Variants in TTC21A observed in about 807,000 individuals in gnomAD.
TTC21A encodes the protein tetratricopeptide repeat protein 21A.
TTC21A carries 128 observed loss-of-function variants against 156.4 expected under a neutral mutation model. The ratio of observed to expected loss-of-function variants is 0.82; its 90% CI spans 0.71 to 0.95. The LOEUF (loss-of-function observed/expected upper bound fraction) is 0.95. TTC21A is among the 40% of genes least tolerant of loss of function. The probability of loss-of-function intolerance (pLI) is 0.00; values close to 1 mark genes in which losing one functional copy is unlikely to be tolerated. For synonymous variants in TTC21A, 587 were observed against 617.1 expected, an observed-to-expected ratio of 0.95 and a Z score of 0.72; for missense variants, 1,435 against 1,602.3, an observed-to-expected ratio of 0.90 and a Z score of 1.78.
chr3:39,130,914 C>G lies in TTC21A; in HGVS notation c.2458+75C>G. 6.2e-7 allele frequency: 1 copy of G among 1,608,752 alleles called. No homozygotes were observed. Among genetic ancestry groups the G allele is most frequent in the Non-Finnish European group, 8.5e-7 (1 of 1,176,150 alleles). Reference sequence around the variant, plus strand: ...TCCCCCATTCCCCATTAGCTGAAGTCCTGATCCCAGCGCTCCCCACCAACA... The same window carrying G: ...TCCCCCATTCCCCATTAGCTGAAGTGCTGATCCCAGCGCTCCCCACCAACA... On this transcript the variant is annotated intron_variant, in intron 18 of 28. Transcript: ENST00000683103. The surrounding 1 kb of genome is among the most constrained non-coding windows in gnomAD (Gnocchi z 4.5).
At chr3:39,121,356 G>A (rs981810923) in intron 9 of TTC21A, among the ~76,000 whole-genome samples, 167 bp downstream of exon 9, 4 of 152,326 alleles carry the variant, frequency 2.6e-5, no homozygotes, top group Non-Finnish European at 5.9e-5. Flanking sequence ...AAGTATAGAT[G>A]TAAGAGGCAC....
intron 4 of TTC21A, among the ~76,000 whole-genome samples, chr3:39,111,995 G>A (rs1252931340): frequency 6.6e-6 from 1 of 152,290 alleles, no homozygotes; most frequent in Admixed American, 6.5e-5. Context: ...CACTCAGAGG[G>A]CATTCCTTGG....
Position 39,122,322 on chromosome 3 carries a change from G to GA in TTC21A, c.1093+1147dup, listed in dbSNP as rs33971042. Among the ~76,000 whole-genome samples, 11 of 148,624 alleles carry GA rather than the reference G, an allele frequency of 7.4e-5. No individual in the cohort carries two copies. The South Asian group carries it at 1.3e-3, about 17-fold the overall frequency. ...TGAGACTCCACCTCAAAAAAAGAAA[G>GA]AAAAAAAAAAAAAAGAGTACATAGC... On this transcript the variant is annotated intron_variant, in intron 9 of 28. Transcript: ENST00000683103.
intron 7 of TTC21A, chr3:39,119,673 A>G: frequency 2.8e-6 from 1 of 359,758 alleles, no homozygotes. Context: ...AAACAAATTC[A>G]AGAACAGAGG....
At chr3:39,109,023 C>T in intron 1 of TTC21A, 62 bp from the exon 2 acceptor site, 1 of 1,579,440 alleles carries the variant, frequency 6.3e-7, no homozygotes, top group Middle Eastern at 1.7e-4. Context: ...CTCATCCCAT[C>T]TGGGACAGAA....
intron 9 of TTC21A, among the ~76,000 whole-genome samples, chr3:39,123,487 A>G (rs1169122894): frequency 3.3e-5 from 5 of 152,146 alleles, no homozygotes; most frequent in Non-Finnish European, 1.5e-5. Context: ...TTGTTCACCA[A>G]CTCCTAGTTG....
rs60845030 is a variant in TTC21A, at chr3:39,124,658, C to CAAAAAAAAAAAAAAAAAAAA, written c.1094-390_1094-389insAAAAAAAAAAAAAAAAAAAA. 3.8e-4 allele frequency among the ~76,000 whole-genome samples: 27 copies of CAAAAAAAAAAAAAAAAAAAA among 71,028 alleles called. 1 individual carries two copies. Among genetic ancestry groups the CAAAAAAAAAAAAAAAAAAAA allele is most frequent in the Non-Finnish European group, 4.6e-4 (16 of 34,944 alleles). The allele number at this position is 71,028 out of a possible 152,430, so 46.6% of individuals were successfully genotyped here. Reference sequence around the variant, plus strand: ...TGGGCAAAAGAGCGAAACTCCGTCTCAAAAAAAAAAAAAAAGCAGATTGTA... The same window carrying CAAAAAAAAAAAAAAAAAAAA: ...TGGGCAAAAGAGCGAAACTCCGTCTCAAAAAAAAAAAAAAAAAAAAAAAAAAAAAAAAAAAGCAGATTGTA... On this transcript the variant is annotated intron_variant, in intron 9 of 28. Transcript: ENST00000683103.
Position 39,138,547 on chromosome 3 carries a change from C to T in TTC21A, c.3797-9C>T, listed in dbSNP as rs370330036. On this transcript the variant is annotated splice_polypyrimidine_tract_variant and intron_variant, in intron 27 of 28. Coordinates refer to ENST00000683103, the MANE Select transcript of TTC21A (RefSeq NM_001366900.1). The stretch of plus-strand genomic sequence containing the variant: ...GTGCCACCATCTTTGCTCTCCATGT[C>T]CCCGGTAGGCTTCAAACTTGCTTTC... The T allele has an allele frequency of 4.3e-6, 7 of 1,614,040 alleles. No individual in the cohort carries two copies. In the East Asian group the frequency reaches 1.1e-4, roughly 26 times the overall value.
At position 39,134,705 on chromosome 3, in the gene TTC21A, G is replaced by A. The variant is rs972171651; in HGVS notation, c.2862+377G>A. 2 of 469,038 alleles carry A rather than the reference G, an allele frequency of 4.3e-6. No homozygotes were observed. The highest frequency in any genetic ancestry group is 7.9e-6 in the Non-Finnish European group (2 of 254,396). 29.1% of individuals were successfully genotyped at this position (469,038 alleles called of 1,614,324 possible). A position where few individuals can be genotyped will look rare whatever the true frequency, so the allele number is the denominator to read the frequency against. On this transcript the variant is annotated intron_variant, in intron 21 of 28. Coordinates refer to ENST00000683103, the MANE Select transcript of TTC21A (RefSeq NM_001366900.1). The surrounding 1 kb of genome is among the most constrained non-coding windows in gnomAD (Gnocchi z 4.6). ...CAGACCTCCTCTAGGGCTGGCCCAG[G>A]AGCAGAAGCTGAGCCCTTGCAGAGC...
rs2038941351 is a variant in TTC21A at position 39,134,191 on chromosome 3, AGTTT to A, written c.2752-26_2752-23del. 6.8e-7 allele frequency: 1 copy of A among 1,473,756 alleles called. No homozygotes were observed. The allele number at this position is 1,473,756 out of a possible 1,614,324, so 91.3% of individuals were successfully genotyped here. A position where few individuals can be genotyped will look rare whatever the true frequency, so the allele number is the denominator to read the frequency against. ...GGGTTTCCCATGGTGTTTACTAGTTAGTTTATTATATCCGGCCTTGTCCCAGGTG... is the reference window on the plus strand; with the variant it reads ...GGGTTTCCCATGGTGTTTACTAGTTAATTATATCCGGCCTTGTCCCAGGTG... On this transcript the variant is annotated intron_variant, in intron 20 of 28. Coordinates refer to ENST00000683103, the MANE Select transcript of TTC21A (RefSeq NM_001366900.1). This position sits in a 1 kb window ranked among gnomAD's most constrained non-coding sequence, Gnocchi z 4.6.
In TTC21A at chr3:39,128,818, G is replaced by T; in HGVS notation, c.1782G>T (p.Leu594Phe). 6.2e-7 allele frequency: 1 copy of T among 1,614,138 alleles called. No homozygotes were observed. Among genetic ancestry groups the T allele is most frequent in the African/African-American group, 1.3e-5 (1 of 75,030 alleles). ...AIKTLKMVIK[L>F]PALKKEEGRK... is the part of the protein sequence containing the mutation. ...AGACGCTGAAAATGGTCATCAAATTGCCAGCTCTGAAGAAGGAAGAAGGCA... is the reference window on the plus strand; with the variant it reads ...AGACGCTGAAAATGGTCATCAAATTTCCAGCTCTGAAGAAGGAAGAAGGCA... The change falls in exon 14 of 29, where the codon TTG becomes TTT. Residue 594 changes from leucine (L) to phenylalanine (F), a missense_variant. Physicochemically the swap from Leu to Phe is conservative, Grantham distance 22. Transcript: ENST00000683103.
chr3:39,117,394 A>C (rs1192731108), intron 6 of TTC21A, among the ~76,000 whole-genome samples: 1 of 152,250 alleles, frequency 6.6e-6, no homozygotes, highest in Non-Finnish European at 1.5e-5. Flanking sequence ...AAAATGGGAA[A>C]GAATCTTTCT....
chr3:39,130,497 A>G lies in TTC21A; in HGVS notation c.2319+139A>G. 3.2e-6 allele frequency: 3 copies of G among 932,422 alleles called. No individual in the cohort carries two copies. The highest frequency in any genetic ancestry group is 4.8e-6 in the Non-Finnish European group (3 of 619,118). 57.8% of individuals were successfully genotyped at this position (932,422 alleles called of 1,614,324 possible). On this transcript the variant is annotated intron_variant, in intron 17 of 28. Transcript: ENST00000683103. This position sits in a 1 kb window ranked among gnomAD's most constrained non-coding sequence, Gnocchi z 4.5. ...CAGCTCCTTGCTGAATGGGGTGCCAAGGGGAGAACTCAGCAACTCTCTGCT... is the reference window on the plus strand; with the variant it reads ...CAGCTCCTTGCTGAATGGGGTGCCAGGGGGAGAACTCAGCAACTCTCTGCT...
In TTC21A at chr3:39,134,396, G is replaced by A; in HGVS notation, c.2862+68G>A. On this transcript the variant is annotated intron_variant, in intron 21 of 28. Coordinates refer to ENST00000683103, the MANE Select transcript of TTC21A (RefSeq NM_001366900.1). The surrounding 1 kb of genome is among the most constrained non-coding windows in gnomAD (Gnocchi z 4.6). ...CTTCCCAGGGTCCCTGTGACCAGAT[G>A]CAGGCTACTTCCTAGCCCCGTAACC... The A allele has an allele frequency of 1.8e-6, 2 of 1,113,220 alleles. No homozygotes were observed. Among genetic ancestry groups the A allele is most frequent in the Admixed American group, 1.7e-5 (1 of 59,368 alleles). The allele number at this position is 1,113,220 out of a possible 1,614,324, so 69.0% of individuals were successfully genotyped here. A position where few individuals can be genotyped will look rare whatever the true frequency, so the allele number is the denominator to read the frequency against.
At position 39,125,344 on chromosome 3, in the gene TTC21A, C is replaced by T. The variant is rs761012120; in HGVS notation, c.1204C>T (p.Leu402Phe). ...SLGKSEVLIF[L>F]QALLMSRKHK... ...CTCTCTTCCACAGGTGCTAATTTTCCTCCAAGCCCTCCTGATGTCCAGGAA... is the reference window on the plus strand; with the variant it reads ...CTCTCTTCCACAGGTGCTAATTTTCTTCCAAGCCCTCCTGATGTCCAGGAA... Residue 402 changes from leucine (L) to phenylalanine (F), a missense_variant, in exon 11 of 29, where the codon CTC becomes TTC. Leu to Phe is a conservative substitution (Grantham distance 22). Transcript: ENST00000683103. 6.2e-7 allele frequency: 1 copy of T among 1,614,020 alleles called. No homozygotes were observed. The highest frequency in any genetic ancestry group is 1.3e-5 in the African/African-American group (1 of 75,038).
intron 19 of TTC21A, among the ~76,000 whole-genome samples, chr3:39,132,231 C>T (rs2038777939): frequency 6.6e-6 from 1 of 152,154 alleles, no homozygotes; most frequent in Non-Finnish European, 1.5e-5. Context: ...GGACCAGCAT[C>T]GTATATGTGG....
intron 9 of TTC21A, among the ~76,000 whole-genome samples, chr3:39,124,389 G>C (rs1279487561): frequency 6.6e-6 from 1 of 152,130 alleles, no homozygotes; most frequent in Non-Finnish European, 1.5e-5. Context: ...GCCAGGCGCA[G>C]TGGCTCATGC....
At chr3:39,126,522 T>G (rs1350063286) in intron 12 of TTC21A, 132 bp downstream of exon 12, 1 of 708,948 alleles carries the variant, frequency 1.4e-6, no homozygotes, top group Non-Finnish European at 2.1e-6. Context: ...ACACACACAC[T>G]CTCCTTGCCT....
chr3:39,137,862 A>G, intron 26 of TTC21A, 152 bp downstream of exon 26: 2 of 805,824 alleles, frequency 2.5e-6, no homozygotes, highest in Non-Finnish European at 4.0e-6. Flanking sequence ...GCGACAGACC[A>G]GAATAGGAAT....
Sources: allele counts gnomAD v4.1 joint callset (sites outside exome capture counted in the v4.1 genomes callset), GRCh38; gene constraint gnomAD v4.1.1; non-coding constraint Gnocchi (gnomAD v3.1); transcripts MANE v1.5; gene names NCBI Gene and HGNC (gene_info 2026-07-23, HGNC 2026-07-21).